Variants in UCK2 observed in about 807,000 individuals in gnomAD.
UCK2 encodes the protein cytidine monophosphokinase 2.
UCK2 carries 6 observed loss-of-function variants against 30.8 expected under a neutral mutation model. The ratio of observed to expected loss-of-function variants is 0.19; its 90% CI spans 0.11 to 0.38. The LOEUF (loss-of-function observed/expected upper bound fraction) is 0.38. UCK2 is among the 10% of genes least tolerant of loss of function. The pLI is 1.00. For missense variants in UCK2, 210 were observed against 339.8 expected (o/e 0.62, Z 3.00); for synonymous variants, 125 against 133.6 (o/e 0.94, Z 0.45).
At chr1:165,854,644 A>AATAAAGTG (rs1346065145) in intron 1 of UCK2, among the ~76,000 whole-genome samples, 2 of 147,300 alleles carry the variant, frequency 1.4e-5, no homozygotes, top group African/African-American at 5.0e-5. Context: ...TAAATAAATA[A>AATAAAGTG]AGTGAGTGTG....
chr1:165,891,258 C>T lies in UCK2; in HGVS notation c.292C>T (p.Leu98Phe). Residue 98 changes from leucine to phenylalanine, a missense_variant, in exon 3 of 7, where the codon CTC becomes TTC. Leu to Phe is a conservative substitution (Grantham distance 22, BLOSUM62 0). This residue lies in a region of UCK2 where 75 missense variants were observed against 124.7 expected (regional missense o/e 0.60). Transcript: ENST00000367879. ...AFDNELILKT[L>F]KEITEGKTVQ... ...TGACAATGAACTCATTCTCAAAACACTCAAAGAAATCACTGAAGGGAAAAC... is the reference window on the plus strand; with the variant it reads ...TGACAATGAACTCATTCTCAAAACATTCAAAGAAATCACTGAAGGGAAAAC... The T allele has an allele frequency of 6.2e-7, 1 of 1,614,206 alleles. No homozygotes were observed. The highest frequency in any genetic ancestry group is 8.5e-7 in the Non-Finnish European group (1 of 1,180,020).
chr1:165,903,452 T>G (rs1008182768), intron 5 of UCK2, among the ~76,000 whole-genome samples, 173 bp downstream of exon 5: 2 of 152,210 alleles, frequency 1.3e-5, no homozygotes, highest in Non-Finnish European at 2.9e-5. Flanking sequence ...GTGTCCTCTG[T>G]GTTCTCCAGG....
intron 1 of UCK2, among the ~76,000 whole-genome samples, chr1:165,850,150 A>G (rs1654550866): frequency 6.6e-6 from 1 of 152,118 alleles, no homozygotes; most frequent in Admixed American, 6.5e-5. Context: ...ATTTATTTTG[A>G]GACAGAGTTT....
intron 1 of UCK2, among the ~76,000 whole-genome samples, chr1:165,832,828 T>G (rs1013638783): frequency 1.3e-5 from 2 of 152,056 alleles, no homozygotes; most frequent in Non-Finnish European, 2.9e-5. Flanking sequence ...TCTGACCTCA[T>G]GATCCGCCTC....
chr1:165,897,522 G>T (rs950178546), intron 4 of UCK2, among the ~76,000 whole-genome samples: 3 of 152,156 alleles, frequency 2.0e-5, no homozygotes, highest in Non-Finnish European at 2.9e-5. Flanking sequence ...AGTCTCCGTT[G>T]TGTGACAGAG....
At chr1:165,851,145 C>T (rs1226969371) in intron 1 of UCK2, among the ~76,000 whole-genome samples, 1 of 152,138 alleles carries the variant, frequency 6.6e-6, no homozygotes, top group Non-Finnish European at 1.5e-5. Flanking sequence ...CCCCTGTTAT[C>T]TCTGTCTTGT....
At chr1:165,882,653 A>C (rs544993409) in intron 1 of UCK2, among the ~76,000 whole-genome samples, 6 of 152,272 alleles carry the variant, frequency 3.9e-5, no homozygotes, top group South Asian at 2.1e-4. Context: ...GGACTAATGC[A>C]GTGTCCTCTC....
Position 165,908,098 on chromosome 1 carries a change from T to C in UCK2, c.*275T>C, listed in dbSNP as rs1209622907. On this transcript the variant is annotated 3_prime_UTR_variant, in exon 7 of 7. Transcript: ENST00000367879. Reference sequence around the variant, plus strand: ...GTAACCAGTTATAAATACATATATATATAAAAAAGGATCTATTTTTGTGTA... The same window carrying C: ...GTAACCAGTTATAAATACATATATACATAAAAAAGGATCTATTTTTGTGTA... The C allele has an allele frequency of 3.6e-6, 1 of 279,808 alleles. No individual in the cohort carries two copies. Among genetic ancestry groups the C allele is most frequent in the African/African-American group, 2.2e-5 (1 of 45,596 alleles). 17.3% of individuals were successfully genotyped at this position (279,808 alleles called of 1,614,324 possible). A position where few individuals can be genotyped will look rare whatever the true frequency, so the allele number is the denominator to read the frequency against.
chr1:165,860,445 T>C (rs764501872), intron 1 of UCK2, among the ~76,000 whole-genome samples: 3 of 152,172 alleles, frequency 2.0e-5, no homozygotes, highest in Non-Finnish European at 4.4e-5. Context: ...TCTTTTTTTT[T>C]TGAGACAGGG....
At chr1:165,844,117 C>T (rs181908743) in intron 1 of UCK2, among the ~76,000 whole-genome samples, 134 of 152,288 alleles carry the variant, frequency 8.8e-4, no homozygotes, top group African/African-American at 3.2e-3. Context: ...GAGTTAAGTA[C>T]CCACTGTGTA....
intron 1 of UCK2, among the ~76,000 whole-genome samples, chr1:165,836,251 A>G (rs1654188690): frequency 6.6e-6 from 1 of 152,174 alleles, no homozygotes; most frequent in Non-Finnish European, 1.5e-5. Flanking sequence ...AAAACAAAAA[A>G]AACAACCAAA....
At chr1:165,906,317 G>A (rs1647658119) in intron 6 of UCK2, among the ~76,000 whole-genome samples, 1 of 152,172 alleles carries the variant, frequency 6.6e-6, no homozygotes, top group South Asian at 2.1e-4. Context: ...AATTTAGAAT[G>A]ACCTGCCATC....
chr1:165,878,932 C>A (rs931917858), intron 1 of UCK2, among the ~76,000 whole-genome samples: 9 of 152,202 alleles, frequency 5.9e-5, no homozygotes, highest in African/African-American at 1.9e-4. Flanking sequence ...GCAGCCCTAC[C>A]AGCAATGAGT....
intron 1 of UCK2, among the ~76,000 whole-genome samples, chr1:165,873,043 G>A (rs149873808): frequency 4.6e-5 from 7 of 152,242 alleles, no homozygotes; most frequent in South Asian, 2.1e-4. Context: ...TTTATTCAGC[G>A]CAATGTTAAT....
intron 1 of UCK2, among the ~76,000 whole-genome samples, chr1:165,880,559 T>TGTG (rs1557843843): frequency 1.2e-5 from 1 of 86,096 alleles, no homozygotes; most frequent in African/African-American, 4.1e-5. Context: ...ATTCAGTTTT[T>TGTG]TTTGGGGGTG....
rs541272530 is a variant in UCK2, at chr1:165,861,476, A to C, written c.100-28728A>C. On this transcript the variant is annotated intron_variant, in intron 1 of 6. Coordinates refer to ENST00000367879, the MANE Select transcript of UCK2 (RefSeq NM_012474.5). The stretch of plus-strand genomic sequence containing the variant: ...ACCCCGTCTCTACTAAAAATACAAA[A>C]AATTAGCCGGGCGTAGTGGCGGGCG... Among the ~76,000 whole-genome samples the C allele has an allele frequency of 2.1e-4, 31 of 151,006 alleles. No individual in the cohort carries two copies. In the South Asian group the frequency reaches 6.4e-3, roughly 31 times the overall value.
rs1361807693 is a variant in UCK2 at position 165,863,538 on chromosome 1, A to G, written c.100-26666A>G. Among the ~76,000 whole-genome samples, 6 of 152,244 alleles carry G rather than the reference A, an allele frequency of 3.9e-5. No homozygotes were observed. The East Asian group carries it at 1.2e-3, about 29-fold the overall frequency. ...CTGGGAAAATGTGTTTCCGTGTTGCACAGTGAGTGAACTTTTTGATGGCAG... is the reference window on the plus strand; with the variant it reads ...CTGGGAAAATGTGTTTCCGTGTTGCGCAGTGAGTGAACTTTTTGATGGCAG... On this transcript the variant is annotated intron_variant, in intron 1 of 6. Transcript: ENST00000367879.
chr1:165,856,950 G>A (rs181682304), intron 1 of UCK2, among the ~76,000 whole-genome samples: 20 of 133,504 alleles, frequency 1.5e-4, no homozygotes, highest in African/African-American at 5.2e-4. Flanking sequence ...CAGAGATGAG[G>A]CTCAGAAGGC....
intron 1 of UCK2, among the ~76,000 whole-genome samples, chr1:165,831,110 C>T (rs1654035633): frequency 6.6e-6 from 1 of 150,854 alleles, no homozygotes; most frequent in South Asian, 2.1e-4. Context: ...CTGTCTCGAA[C>T]AAAAACCAAA....
Sources: gnomAD v4.1 joint callset for allele counts (sites outside exome capture counted in the v4.1 genomes callset) on GRCh38, gnomAD v4.1.1 for gene constraint, gnomAD v4.1.1 regional missense constraint, MANE v1.5 for transcripts, NCBI Gene and HGNC (gene_info 2026-07-23, HGNC 2026-07-21) for gene names.